Variants in DST observed in about 807,000 individuals in gnomAD.
DST encodes the protein dystonin.
Under a neutral mutation model 875.2 loss-of-function variants are expected in DST, and 253 were observed. The observed-to-expected ratio is 0.29, with a 90% CI of 0.26 to 0.32. The LOEUF (loss-of-function observed/expected upper bound fraction) is 0.32, where lower values mean the gene tolerates loss of function less well. DST is among the 10% of genes least tolerant of loss of function. The pLI is 1.00. For missense variants in DST, 8,287 were observed against 9,111.6 expected (o/e 0.91, Z 3.68); for synonymous variants, 3,124 against 3,197.1 (o/e 0.98, Z 0.77).
At chr6:56,478,458 C>A (rs1197559417) in intron 90 of DST, among the ~76,000 whole-genome samples, 2 of 152,044 alleles carry the variant, frequency 1.3e-5, no homozygotes, top group Non-Finnish European at 2.9e-5. Context: ...TGCCAGCAAG[C>A]GGAATGAACA....
At chr6:56,867,552 A>T (rs577720244) in intron 3 of DST, among the ~76,000 whole-genome samples, 26 of 152,298 alleles carry the variant, frequency 1.7e-4, no homozygotes, top group East Asian at 7.7e-4. Flanking sequence ...CTGGATGCGG[A>T]GGCTCATGCC....
intron 2 of DST, among the ~76,000 whole-genome samples, chr6:56,929,935 T>C (rs528142433): frequency 2.1e-4 from 32 of 152,328 alleles, no homozygotes; most frequent in Non-Finnish European, 4.4e-4. Flanking sequence ...CCCATCACTG[T>C]AAGATAAAGG....
intron 4 of DST, chr6:56,843,446 G>T: frequency 2.0e-6 from 2 of 1,022,072 alleles, no homozygotes; most frequent in South Asian, 9.2e-5. Flanking sequence ...GGGCGGCGAC[G>T]AGCAGCGCCA....
chr6:56,690,181 T>A (rs2099218155), intron 9 of DST, among the ~76,000 whole-genome samples: 1 of 152,218 alleles, frequency 6.6e-6, no homozygotes, highest in African/African-American at 2.4e-5. Context: ...TTTACCATGT[T>A]GCCTTAAGGA....
chr6:56,717,558 G>GT lies in DST; in HGVS notation c.688-13190dup, dbSNP rs1168156051. Among the ~76,000 whole-genome samples, 3 of 152,166 alleles carry GT rather than the reference G, an allele frequency of 2.0e-5. No homozygotes were observed. The East Asian group carries it at 5.8e-4, about 29-fold the overall frequency. On this transcript the variant is annotated intron_variant, in intron 5 of 103. Transcript: ENST00000680361. ...GTTACCCATCATTATTCCAGAGGTC[G>GT]TAAGATATGCAGCTTCCCCAATTAC...
In DST at chr6:56,529,496, G is replaced by A. The variant is rs1476749742; in HGVS notation, c.17547C>T (p.Val5849=). ...ATAGCCCCTCAGTGCTGTAATCCTG[G>A]ACTGAGAGCTTGCTCAGTTTGTCAT... ...EVHDKLSKLS[V]QDYSTEGLWK... is the part of the protein sequence containing the mutation. The change falls in exon 66 of 104, where the codon GTC becomes GTT. Residue 5849 remains valine (V), a synonymous_variant. Transcript: ENST00000680361. 3 of 1,607,568 alleles carry A rather than the reference G, an allele frequency of 1.9e-6. No individual in the cohort carries two copies. In the Admixed American group the frequency reaches 5.0e-5, roughly 27 times the overall value.
At chr6:56,505,869 A>G (rs2096294490) in intron 77 of DST, among the ~76,000 whole-genome samples, 1 of 152,180 alleles carries the variant, frequency 6.6e-6, no homozygotes, top group Non-Finnish European at 1.5e-5. Flanking sequence ...TAATGAACTG[A>G]ATGAAAACCC....
At chr6:56,617,395 A>G (rs1238654275) in intron 36 of DST, 2 of 1,613,340 alleles carry the variant, frequency 1.2e-6, no homozygotes, top group Non-Finnish European at 1.7e-6. Context: ...CTGTATGCAT[A>G]TCATACTGCT....
intron 4 of DST, among the ~76,000 whole-genome samples, chr6:56,744,765 C>G (rs2099567773): frequency 6.6e-6 from 1 of 152,170 alleles, no homozygotes; most frequent in Admixed American, 6.5e-5. Context: ...ACTTGCCTAC[C>G]TGATTTGACC....
intron 4 of DST, among the ~76,000 whole-genome samples, chr6:56,800,082 G>A (rs959207079): frequency 3.3e-5 from 5 of 152,020 alleles, no homozygotes; most frequent in Admixed American, 1.3e-4. Context: ...CTGCTTTATC[G>A]TGGAGGTTTG....
Position 56,954,465 on chromosome 6 carries a change from C to T in DST, c.123G>A (p.Lys41=), listed in dbSNP as rs1824226379. 3 of 1,367,428 alleles carry T rather than the reference C, an allele frequency of 2.2e-6. No individual in the cohort carries two copies. Among genetic ancestry groups the T allele is most frequent in the Admixed American group, 1.9e-5 (1 of 52,564 alleles). 84.7% of individuals were successfully genotyped at this position (1,367,428 alleles called of 1,614,324 possible). A position where few individuals can be genotyped will look rare whatever the true frequency, so the allele number is the denominator to read the frequency against. ...TCATCGGATGCCTCCCTTTCTGGAGCTTGCGGTGCCAGCAGCAGAAGAAGA... is the reference window on the plus strand; with the variant it reads ...TCATCGGATGCCTCCCTTTCTGGAGTTTGCGGTGCCAGCAGCAGAAGAAGA... ...TIVFFCCWHR[K]LQKGRHPMKS... is the part of the protein sequence containing the mutation. Residue 41 remains lysine, a synonymous_variant, in exon 1 of 104, where the codon AAG becomes AAA. Transcript: ENST00000680361.
chr6:56,844,763 C>A (rs982517529), intron 4 of DST, among the ~76,000 whole-genome samples: 2 of 151,632 alleles, frequency 1.3e-5, no homozygotes, highest in Non-Finnish European at 2.9e-5. Flanking sequence ...ATCCCAGCTA[C>A]TCGGGAGGTT....
intron 102 of DST, among the ~76,000 whole-genome samples, chr6:56,462,785 A>G (rs2094399031): frequency 6.6e-6 from 1 of 152,230 alleles, no homozygotes; most frequent in African/African-American, 2.4e-5. Flanking sequence ...CTAAGTACGA[A>G]TGAGAACAAA....
intron 9 of DST, among the ~76,000 whole-genome samples, chr6:56,674,587 G>A (rs1456751991): frequency 2.0e-5 from 3 of 152,114 alleles, no homozygotes; most frequent in Non-Finnish European, 2.9e-5. Flanking sequence ...GTGAGCCACC[G>A]CACCTGGCCT....
In DST at chr6:56,601,616, G is replaced by T; in HGVS notation, c.11368C>A (p.Gln3790Lys). 1 of 1,598,950 alleles carries T rather than the reference G, an allele frequency of 6.3e-7. No individual in the cohort carries two copies. Among genetic ancestry groups the T allele is most frequent in the South Asian group, 1.1e-5 (1 of 88,742 alleles). ...TGTGCATATTCAGAAATGAAGAACT[G>T]CACATCAAAGGCAGTAGTCTCCAGC... ...MQLETTAFDV[Q>K]FFISEYAQDL... The change falls in exon 44 of 104, where the codon CAG (glutamine) becomes AAG (lysine). Residue 3790 changes from glutamine (Q) to lysine (K), a missense_variant. This residue lies in a region of DST where 3,138 missense variants were observed against 3,116.6 expected (regional missense o/e 1.01). Transcript: ENST00000680361.
chr6:56,560,771 G>T (rs949297870), intron 57 of DST, among the ~76,000 whole-genome samples: 1 of 152,034 alleles, frequency 6.6e-6, no homozygotes, highest in Non-Finnish European at 1.5e-5. Context: ...CTTAATAAAG[G>T]CTGCCAGAAG....
intron 5 of DST, among the ~76,000 whole-genome samples, chr6:56,721,072 C>G (rs1419837046): frequency 1.3e-5 from 2 of 151,202 alleles, no homozygotes; most frequent in Non-Finnish European, 3.0e-5. Flanking sequence ...GCGCCCCCCC[C>G]ACCTCCCAGA....
intron 5 of DST, among the ~76,000 whole-genome samples, chr6:56,718,599 TG>T (rs765182503): frequency 9.2e-5 from 14 of 152,222 alleles, no homozygotes; most frequent in Non-Finnish European, 1.6e-4. Context: ...CACAAAGTCT[TG>T]CACATTTATG....
chr6:56,817,946 G>A (rs2099768555), intron 4 of DST, among the ~76,000 whole-genome samples: 2 of 152,130 alleles, frequency 1.3e-5, no homozygotes, highest in South Asian at 4.1e-4. Context: ...GTAATCAAAA[G>A]GGTTATCAAA....
Sources: gnomAD v4.1 joint callset for allele counts (sites outside exome capture counted in the v4.1 genomes callset) on GRCh38, gnomAD v4.1.1 for gene constraint, gnomAD v4.1.1 regional missense constraint, MANE v1.5 for transcripts, NCBI Gene and HGNC (gene_info 2026-07-23, HGNC 2026-07-21) for gene names.